The following ANK1 variants were observed in gnomAD, a reference collection of about 807,000 sequenced individuals.
The protein encoded by ANK1 is ankyrin 1.
Under a neutral mutation model 210.4 loss-of-function variants are expected in ANK1, and 51 were observed. The observed-to-expected ratio is 0.24, with a 90% CI of 0.19 to 0.31. ANK1 has a LOEUF of 0.31. Among genes scored for constraint, ANK1 ranks in the 10% least tolerant of loss-of-function variants. The pLI, the probability that ANK1 is intolerant of heterozygous loss-of-function variation, is 1.00. For synonymous variants in ANK1, 967 were observed against 1,025.9 expected, an observed-to-expected ratio of 0.94 and a Z score of 1.10; for missense variants, 2,051 against 2,504.4, an observed-to-expected ratio of 0.82 and a Z score of 3.86.
chr8:41,822,107 AGAGAG>A (rs1804454902), intron 1 of ANK1, among the ~76,000 whole-genome samples: 1 of 35,614 alleles, frequency 2.8e-5, no homozygotes, highest in Admixed American at 2.9e-4. Context: ...AGAGAGAGAG[AGAGAG>A]AGAAAGAAAG....
chr8:41,700,470 GAGC>G, intron 22 of ANK1: 1 of 1,613,138 alleles, frequency 6.2e-7, no homozygotes, highest in Non-Finnish European at 8.5e-7. Context: ...AAGCAAAGGA[GAGC>G]AGAATTGAAA....
chr8:41,844,978 A>G (rs1809743336), intron 1 of ANK1, among the ~76,000 whole-genome samples: 1 of 152,168 alleles, frequency 6.6e-6, no homozygotes, highest in Non-Finnish European at 1.5e-5. Flanking sequence ...CACCAGCCCC[A>G]GGATTGCAAC....
intron 1 of ANK1, among the ~76,000 whole-genome samples, chr8:41,759,443 T>C (rs569722622): frequency 6.6e-6 from 1 of 151,924 alleles, no homozygotes; most frequent in African/African-American, 2.4e-5. Context: ...GAGGTGGAGG[T>C]TGCAGTGAGC....
At chr8:41,700,515 A>G in intron 22 of ANK1, 4 of 1,528,174 alleles carry the variant, frequency 2.6e-6, no homozygotes, top group Non-Finnish European at 3.6e-6. Flanking sequence ...TTAAAGCGAG[A>G]GGCATATATT....
intron 42 of ANK1, among the ~76,000 whole-genome samples, chr8:41,660,185 G>A (rs983902490): frequency 3.3e-5 from 5 of 152,114 alleles, no homozygotes; most frequent in Admixed American, 6.5e-5. Context: ...TGAGGTGTCA[G>A]GTCTAATTTT....
At chr8:41,780,572 A>G (rs1053875003) in intron 1 of ANK1, among the ~76,000 whole-genome samples, 5 of 152,132 alleles carry the variant, frequency 3.3e-5, no homozygotes, top group African/African-American at 4.8e-5. Context: ...AAATGGGCCA[A>G]TGTGTCTCAG....
chr8:41,688,026 G>A (rs1009597511), intron 35 of ANK1, 130 bp downstream of exon 35: 1 of 1,181,270 alleles, frequency 8.5e-7, no homozygotes, highest in Admixed American at 1.7e-5. Context: ...ACCCAGCTCA[G>A]ACAATCACAA....
chr8:41,820,749 G>A lies in ANK1; in HGVS notation c.127-62612C>T, dbSNP rs74526547. On this transcript the variant is annotated intron_variant, in intron 1 of 42. Coordinates refer to the ANK1 transcript ENST00000265709. Reference sequence around the variant, plus strand: ...ATTGACATAAACCAGATTAACAGGAGAAAAACCATGTTTAATTGCATATGT... The same window carrying A: ...ATTGACATAAACCAGATTAACAGGAAAAAAACCATGTTTAATTGCATATGT... 1.5e-4 allele frequency among the ~76,000 whole-genome samples: 23 copies of A among 152,222 alleles called. No homozygotes were observed. The East Asian group carries it at 3.9e-3, about 26-fold the overall frequency.
At chr8:41,680,904 G>A (rs1192421234) in intron 37 of ANK1, among the ~76,000 whole-genome samples, 1 of 152,242 alleles carries the variant, frequency 6.6e-6, no homozygotes, top group African/African-American at 2.4e-5. Flanking sequence ...CTCTCTGGTA[G>A]TCTCATGCAG....
intron 1 of ANK1, among the ~76,000 whole-genome samples, chr8:41,806,629 T>C (rs1256454069): frequency 6.6e-6 from 1 of 152,164 alleles, no homozygotes; most frequent in Non-Finnish European, 1.5e-5. Flanking sequence ...TGCTCGAGCC[T>C]GGGAGTTAGA....
chr8:41,725,610 C>A (rs1402746892), intron 6 of ANK1, 151 bp downstream of exon 6: 10 of 1,047,268 alleles, frequency 9.5e-6, no homozygotes, highest in South Asian at 1.6e-5. Flanking sequence ...TGTCCAGGGG[C>A]CCCTCTGCGT....
At chr8:41,736,267 T>C (rs1007361244) in intron 2 of ANK1, among the ~76,000 whole-genome samples, 7 of 152,188 alleles carry the variant, frequency 4.6e-5, no homozygotes, top group African/African-American at 1.4e-4. Flanking sequence ...GCAAAGCAAT[T>C]TGTCGAGTGA....
rs577873479 is a variant in ANK1 at position 41,746,359 on chromosome 8, C to T, written c.129+11677G>A. 2.6e-5 allele frequency among the ~76,000 whole-genome samples: 4 copies of T among 152,244 alleles called. No homozygotes were observed. In the East Asian group the frequency reaches 7.7e-4, roughly 29 times the overall value. On this transcript the variant is annotated intron_variant, in intron 2 of 42. Transcript: ENST00000289734. ...ATCTCCTTTGCAAATCTGTCTCTTGCCTAGGGACAGGAAAGACAGAATAAG... is the reference window on the plus strand; with the variant it reads ...ATCTCCTTTGCAAATCTGTCTCTTGTCTAGGGACAGGAAAGACAGAATAAG...
intron 22 of ANK1, among the ~76,000 whole-genome samples, chr8:41,701,192 G>A (rs1822680680): frequency 6.6e-6 from 1 of 152,216 alleles, no homozygotes; most frequent in African/African-American, 2.4e-5. Flanking sequence ...TTCGTTCAAA[G>A]CACAAAGAAA....
intron 30 of ANK1, 21 bp downstream of exon 30, chr8:41,693,084 G>A (rs1181517654): frequency 6.3e-7 from 1 of 1,582,644 alleles, no homozygotes; most frequent in South Asian, 1.1e-5. Context: ...ACAATACTGG[G>A]CTGGGCTGGC....
intron 1 of ANK1, among the ~76,000 whole-genome samples, chr8:41,888,209 T>C (rs1818792351): frequency 6.6e-6 from 1 of 152,314 alleles, no homozygotes; most frequent in Non-Finnish European, 1.5e-5. Context: ...ACTCACCATC[T>C]TCCTCCTAAC....
intron 37 of ANK1, among the ~76,000 whole-genome samples, chr8:41,674,146 G>A (rs965893331): frequency 4.4e-4 from 67 of 152,190 alleles, no homozygotes; most frequent in African/African-American, 1.4e-3. Context: ...CTCAGCCTCC[G>A]CTCGGGGCCT....
chr8:41,719,813 C>G lies in ANK1; in HGVS notation c.955G>C (p.Asp319His). The change falls in exon 10 of 43, where the codon GAC becomes CAC. Residue 319 changes from aspartate to histidine, a missense_variant. By Grantham distance (81) the Asp-to-His change is moderately conservative (BLOSUM62 -1). This residue lies in a region of ANK1 where 1,413 missense variants were observed against 1,707.4 expected (regional missense o/e 0.83). Coordinates refer to ENST00000289734, the MANE Select transcript of ANK1 (RefSeq NM_000037.4). Reference sequence around the variant, plus strand: ...TATTGCAACAGGAGCCGGACACAGTCGAGGTGGTCTCCCTGAGCCGCCATG... The same window carrying G: ...TATTGCAACAGGAGCCGGACACAGTGGAGGTGGTCTCCCTGAGCCGCCATG... ...IHMAAQGDHLDCVRLLLQYDA... is the reference protein window; with the variant it reads ...IHMAAQGDHLHCVRLLLQYDA... 1 of 1,614,200 alleles carries G rather than the reference C, an allele frequency of 6.2e-7. No homozygotes were observed. Among genetic ancestry groups the G allele is most frequent in the Non-Finnish European group, 8.5e-7 (1 of 1,180,038 alleles).
At chr8:41,887,162 C>T (rs181071788) in intron 1 of ANK1, among the ~76,000 whole-genome samples, 6 of 151,322 alleles carry the variant, frequency 4.0e-5, no homozygotes, top group South Asian at 2.1e-4. Flanking sequence ...ACAGGTGGGG[C>T]GTCCTCTGCT....
Sources: gnomAD v4.1 joint callset for allele counts (sites outside exome capture counted in the v4.1 genomes callset) on GRCh38, gnomAD v4.1.1 for gene constraint, gnomAD v4.1.1 regional missense constraint, MANE v1.5 for transcripts, NCBI Gene and HGNC (gene_info 2026-07-23, HGNC 2026-07-21) for gene names.